RAB37: variants seen among roughly 807,000 people sequenced by gnomAD.
RAB37 encodes the protein ras-related protein Rab-37.
A neutral mutation model predicts 33.1 loss-of-function variants in RAB37; 29 were observed. The observed-to-expected ratio is 0.88, with a 90% CI of 0.65 to 1.20. The LOEUF (loss-of-function observed/expected upper bound fraction) is 1.20. Among genes scored for constraint, RAB37 ranks in the 50% most tolerant of loss-of-function variants. RAB37 has a pLI of 0.00. For missense variants in RAB37, 299 were observed against 301.1 expected, an observed-to-expected ratio of 0.99 and a Z score of 0.05; for synonymous variants, 128 against 119.5, an observed-to-expected ratio of 1.07 and a Z score of -0.47.
chr17:74,745,133 C>A lies in RAB37; in HGVS notation c.566+49C>A. Reference sequence around the variant, plus strand: ...AGTGTGCGGGGCAGGGCGGCACACTCCAGGAATCCAGTAGGGCCCGGCCCC... The same window carrying A: ...AGTGTGCGGGGCAGGGCGGCACACTACAGGAATCCAGTAGGGCCCGGCCCC... On this transcript the variant is annotated intron_variant, in intron 8 of 8. Transcript: ENST00000392613. This position sits in a 1 kb window ranked among gnomAD's most constrained non-coding sequence, Gnocchi z 4.5. 6.3e-7 allele frequency: 1 copy of A among 1,594,632 alleles called. No individual in the cohort carries two copies. The highest frequency in any genetic ancestry group is 8.6e-7 in the Non-Finnish European group (1 of 1,163,308).
Position 74,676,668 on chromosome 17 carries a change from A to G in RAB37, c.72+5010A>G, listed in dbSNP as rs1300844119. 6.6e-6 allele frequency among the ~76,000 whole-genome samples: 1 copy of G among 152,226 alleles called. No individual in the cohort carries two copies. Among genetic ancestry groups the G allele is most frequent in the Non-Finnish European group, 1.5e-5 (1 of 68,048 alleles). On this transcript the variant is annotated intron_variant, in intron 1 of 7. Coordinates refer to the RAB37 transcript ENST00000340415. This position sits in a 1 kb window ranked among gnomAD's most constrained non-coding sequence, Gnocchi z 4.1. ...AACTAGGCTGGTCATTGTCGAGAAT[A>G]TAGACGCAAATGATTCCCACCTTCA... is the stretch of plus-strand genomic sequence containing the variant.
At chr17:74,714,811 G>A (rs751617269) in intron 1 of RAB37, among the ~76,000 whole-genome samples, 24 of 152,202 alleles carry the variant, frequency 1.6e-4, no homozygotes, top group Admixed American at 3.3e-4. Flanking sequence ...CCCTAGGGTC[G>A]GGACTGGGGA....
In RAB37 at chr17:74,729,865, T is replaced by A. The variant is rs1036570601; in HGVS notation, c.183+499T>A. 6.6e-6 allele frequency among the ~76,000 whole-genome samples: 1 copy of A among 152,112 alleles called. No individual in the cohort carries two copies. The highest frequency in any genetic ancestry group is 1.9e-4 in the East Asian group (1 of 5,196). On this transcript the variant is annotated intron_variant, in intron 2 of 7. Transcript: ENST00000340415. The surrounding 1 kb of genome is among the most constrained non-coding windows in gnomAD (Gnocchi z 4.2). ...AGGTCAGCCCTCCAAGGCAAGAAGA[T>A]CTGGAGGGACAAAGGGACGACAAAG...
intron 1 of RAB37, chr17:74,703,258 A>AAGGG: frequency 1.3e-6 from 1 of 755,300 alleles, no homozygotes; most frequent in Non-Finnish European, 2.2e-6. Context: ...CTACTATGGG[A>AAGGG]AGGGGCTGCA....
intron 1 of RAB37, among the ~76,000 whole-genome samples, chr17:74,685,385 A>G (rs1238677915): frequency 1.3e-5 from 2 of 152,080 alleles, no homozygotes; most frequent in African/African-American, 4.8e-5. Context: ...ACAGGGTTTC[A>G]CCATGTTGAC....
At chr17:74,688,562 A>AG (rs1232893715) in intron 1 of RAB37, among the ~76,000 whole-genome samples, 3 of 151,582 alleles carry the variant, frequency 2.0e-5, no homozygotes, top group Non-Finnish European at 2.9e-5. Context: ...CAAAAAAAAA[A>AG]AAAAGAAAAG....
At chr17:74,719,743 TG>T (rs1195567616) in intron 1 of RAB37, among the ~76,000 whole-genome samples, 1 of 152,198 alleles carries the variant, frequency 6.6e-6, no homozygotes, top group Non-Finnish European at 1.5e-5. Flanking sequence ...CTCGAACTCC[TG>T]GGCTCAAGTG....
At chr17:74,736,367 A>C (rs556815557), upstream of RAB37, among the ~76,000 whole-genome samples, 1 of 152,358 alleles carries the variant, frequency 6.6e-6, no homozygotes, top group Non-Finnish European at 1.5e-5. Flanking sequence ...GGCCCAGGCC[A>C]CAGAGCCCCT....
At chr17:74,698,594 G>A (rs1013953282) in intron 1 of RAB37, 1 of 1,507,536 alleles carries the variant, frequency 6.6e-7, no homozygotes, top group Admixed American at 2.1e-5. Context: ...CTGCAGGTCT[G>A]TAGTTTGCAG....
chr17:74,711,433 C>T lies in RAB37; in HGVS notation c.73-17823C>T, dbSNP rs542542022. The stretch of plus-strand genomic sequence containing the variant: ...TTCATAACATCTCACCCAAAGTCTG[C>T]CTTCTCCACTTACATGCTGAAACTC... On this transcript the variant is annotated intron_variant, in intron 1 of 7. Coordinates refer to the RAB37 transcript ENST00000340415. Among the ~76,000 whole-genome samples, 22 of 152,342 alleles carry T rather than the reference C, an allele frequency of 1.4e-4. 1 individual carries two copies. In the South Asian group the frequency reaches 4.6e-3, roughly 32 times the overall value.
chr17:74,731,269 C>A (rs965702319), intron 2 of RAB37, among the ~76,000 whole-genome samples: 1 of 152,216 alleles, frequency 6.6e-6, no homozygotes, highest in Non-Finnish European at 1.5e-5. Context: ...GCTGGCCAGG[C>A]TGTAGCCTGC....
chr17:74,729,057 G>A lies in RAB37; in HGVS notation c.73-199G>A, dbSNP rs1293286435. Among the ~76,000 whole-genome samples, 1 of 151,992 alleles carries A rather than the reference G, an allele frequency of 6.6e-6. No homozygotes were observed. Among genetic ancestry groups the A allele is most frequent in the African/African-American group, 2.4e-5 (1 of 41,348 alleles). On this transcript the variant is annotated intron_variant, in intron 1 of 7. Coordinates refer to the RAB37 transcript ENST00000340415. This position sits in a 1 kb window ranked among gnomAD's most constrained non-coding sequence, Gnocchi z 4.2. ...TGCATATATGTTTGTGTGTGCATGG[G>A]TGTTCTGTGTATGTGTGTACATGTT...
upstream of RAB37, among the ~76,000 whole-genome samples, chr17:74,735,028 A>AGAAAGAAAGAAAGAAG (rs2034451045): frequency 7.7e-6 from 1 of 129,712 alleles, no homozygotes; most frequent in Non-Finnish European, 1.8e-5. Flanking sequence ...GAAGAAAGAA[A>AGAAAGAAAGAAAGAAG]GAAAGAAAGA....
rs1175815602 is a variant in RAB37, at chr17:74,685,039, A to C, written c.72+13381A>C. Among the ~76,000 whole-genome samples the C allele has an allele frequency of 5.9e-5, 9 of 152,108 alleles. No homozygotes were observed. The East Asian group carries it at 1.5e-3, about 26-fold the overall frequency. On this transcript the variant is annotated intron_variant, in intron 1 of 7. Coordinates refer to the RAB37 transcript ENST00000340415. ...ACTCATAGAAAGGTACAAAAACTAG[A>C]AGAACAAAAAGAAAATGACACATGT... is the stretch of plus-strand genomic sequence containing the variant.
At position 74,744,309 on chromosome 17, in the gene RAB37, C is replaced by T; in HGVS notation, c.368C>T (p.Ala123Val). 6.2e-7 allele frequency: 1 copy of T among 1,613,486 alleles called. No homozygotes were observed. Among genetic ancestry groups the T allele is most frequent in the Non-Finnish European group, 8.5e-7 (1 of 1,179,654 alleles). ...AGTCTCGCACGCCCTCTCCCACAGG[C>T]CTGGCTCACTGAGATTCATGAGTAT... ...TNKSSFDNIR[A>V]WLTEIHEYAQ... The change falls in exon 6 of 9, where the codon GCC becomes GTC. Residue 123 changes from alanine to valine, a missense_variant and splice_region_variant. By Grantham distance (64) the Ala-to-Val change is moderately conservative. Transcript: ENST00000392613. The surrounding 1 kb of genome is among the most constrained non-coding windows in gnomAD (Gnocchi z 4.2).
At chr17:74,712,886 C>G in intron 1 of RAB37, 2 of 1,613,662 alleles carry the variant, frequency 1.2e-6, no homozygotes, top group South Asian at 2.2e-5. Flanking sequence ...AGACAGGTCC[C>G]CGTTCCCCTC....
chr17:74,742,482 A>G lies in RAB37; in HGVS notation c.246+187A>G, dbSNP rs1042348721. The stretch of plus-strand genomic sequence containing the variant: ...GCAGTTCCCAGGCACCCTCTCATCT[A>G]TGAACAGCAGCTCCAAATGCCTTCA... On this transcript the variant is annotated intron_variant, in intron 3 of 8. Transcript: ENST00000392613. The surrounding 1 kb of genome is among the most constrained non-coding windows in gnomAD (Gnocchi z 4.0). 1.3e-5 allele frequency among the ~76,000 whole-genome samples: 2 copies of G among 152,146 alleles called. No homozygotes were observed. The highest frequency in any genetic ancestry group is 2.9e-5 in the Non-Finnish European group (2 of 68,018).
At chr17:74,734,231 C>T (rs1258329813), upstream of RAB37, among the ~76,000 whole-genome samples, 1 of 152,242 alleles carries the variant, frequency 6.6e-6, no homozygotes, top group African/African-American at 2.4e-5. Flanking sequence ...CATTCCTTGG[C>T]TTGCAGCCAC....
Position 74,671,405 on chromosome 17 carries a change from G to T in RAB37, c.-182G>T, listed in dbSNP as rs1312223025. On this transcript the variant is annotated 5_prime_UTR_variant, in exon 1 of 8. Coordinates refer to the RAB37 transcript ENST00000340415. This position sits in a 1 kb window ranked among gnomAD's most constrained non-coding sequence, Gnocchi z 5.0. ...CGCTCAGTCCTGGAAGAACGTGGCC[G>T]CCTGCCCGCCTGGTACCGCGCCGCG... 1 of 601,658 alleles carries T rather than the reference G, an allele frequency of 1.7e-6. No individual in the cohort carries two copies. Among genetic ancestry groups the T allele is most frequent in the East Asian group, 2.8e-5 (1 of 36,034 alleles). 37.3% of individuals were successfully genotyped at this position (601,658 alleles called of 1,614,324 possible).
Sources: allele counts gnomAD v4.1 joint callset (sites outside exome capture counted in the v4.1 genomes callset), GRCh38; gene constraint gnomAD v4.1.1; non-coding constraint Gnocchi (gnomAD v3.1); transcripts MANE v1.5; gene names NCBI Gene and HGNC (gene_info 2026-07-23, HGNC 2026-07-21).